ERICH1: variants seen among roughly 807,000 people sequenced by gnomAD.
ERICH1 encodes the protein glutamate rich 1.
A neutral mutation model predicts 39.6 loss-of-function variants in ERICH1; 56 were observed. The observed-to-expected ratio is 1.41, with a 90% CI of 1.14 to 1.77. The LOEUF (loss-of-function observed/expected upper bound fraction) is 1.77, where lower values mean the gene tolerates loss of function less well. Among genes scored for constraint, ERICH1 ranks in the 40% most tolerant of loss-of-function variants. The pLI, the probability that ERICH1 is intolerant of heterozygous loss-of-function variation, is 0.00. For synonymous variants in ERICH1, 313 were observed against 223.6 expected (o/e 1.40, Z -3.57); for missense variants, 826 against 575.4 (o/e 1.44, Z -4.45).
At chr8:725,184 G>C (rs1017379693) in intron 1 of ERICH1, 1 of 185,832 alleles carries the variant, frequency 5.4e-6, no homozygotes, top group Non-Finnish European at 1.1e-5. Context: ...TCCGGCTTCC[G>C]TGCCTGCTGT....
At chr8:689,253 AG>A (rs151306108) in intron 3 of ERICH1, among the ~76,000 whole-genome samples, 1,652 of 152,326 alleles carry the variant, frequency 0.011, 11 homozygotes, top group Non-Finnish European at 0.017. Flanking sequence ...CTGGGATTAC[AG>A]GTACATGCCA....
intron 3 of ERICH1, among the ~76,000 whole-genome samples, chr8:622,747 G>A (rs1797361788): frequency 6.6e-6 from 1 of 151,958 alleles, no homozygotes; most frequent in Non-Finnish European, 1.5e-5. Context: ...GAGCCCAGGA[G>A]TTTCAGACCA....
At chr8:615,246 CTCT>C (rs1426841142) in exon 4 of ERICH1, 1 of 697,132 alleles carries the variant, frequency 1.4e-6, no homozygotes, top group Non-Finnish European at 2.6e-6. Flanking sequence ...TCTCTCTTTC[CTCT>C]TCTTATTTTC....
chr8:719,452 T>TG (rs1816790632), intron 1 of ERICH1, among the ~76,000 whole-genome samples: 1 of 152,244 alleles, frequency 6.6e-6, no homozygotes, highest in African/African-American at 2.4e-5. Context: ...TGCCCACATC[T>TG]GGCTGAGATG....
chr8:617,057 C>T (rs1796966983), intron 3 of ERICH1, among the ~76,000 whole-genome samples: 1 of 151,606 alleles, frequency 6.6e-6, no homozygotes, highest in Admixed American at 6.6e-5. Context: ...ATTCCGGTTC[C>T]CACTTTGACT....
At chr8:642,312 C>T (rs1478258311) in intron 3 of ERICH1, among the ~76,000 whole-genome samples, 4 of 150,264 alleles carry the variant, frequency 2.7e-5, no homozygotes. Flanking sequence ...AAGAACATCC[C>T]TAAAAAGAAT....
intron 3 of ERICH1, among the ~76,000 whole-genome samples, chr8:682,642 C>T (rs1335701316): frequency 6.6e-6 from 1 of 152,208 alleles, no homozygotes; most frequent in Non-Finnish European, 1.5e-5. Flanking sequence ...CTGCCATCCC[C>T]AAAACACACC....
chr8:630,467 C>G (rs1365458814), intron 3 of ERICH1, among the ~76,000 whole-genome samples: 3 of 80,782 alleles, frequency 3.7e-5, no homozygotes, highest in African/African-American at 7.6e-5. Context: ...AGCACCCAGA[C>G]AGACAGAGCT....
intron 3 of ERICH1, among the ~76,000 whole-genome samples, chr8:636,717 T>C (rs957442967): frequency 1.3e-5 from 2 of 152,234 alleles, no homozygotes; most frequent in African/African-American, 4.8e-5. Flanking sequence ...CTGTGACCTC[T>C]GGGGAGGAAC....
intron 2 of ERICH1, among the ~76,000 whole-genome samples, chr8:707,211 T>TC (rs1324945892): frequency 7.2e-4 from 103 of 143,860 alleles, no homozygotes; most frequent in Non-Finnish European, 1.3e-3. Context: ...TTTGTTTCTT[T>TC]TTTTTTTTTT....
At chr8:630,454 G>A (rs1391526865) in intron 3 of ERICH1, among the ~76,000 whole-genome samples, 2 of 127,834 alleles carry the variant, frequency 1.6e-5, no homozygotes, top group Admixed American at 7.9e-5. Context: ...ACACCCTCCC[G>A]TGAGCACCCA....
chr8:615,872 C>A (rs1185558052), intron 3 of ERICH1: 1 of 152,344 alleles, frequency 6.6e-6, no homozygotes, highest in African/African-American at 2.4e-5. Flanking sequence ...CGCCAATATT[C>A]AGCTTTCCTC....
chr8:687,548 G>C (rs959028007), intron 3 of ERICH1, among the ~76,000 whole-genome samples: 8 of 152,210 alleles, frequency 5.3e-5, no homozygotes, highest in African/African-American at 1.9e-4. Context: ...GGGCGCAGGG[G>C]AGAGGCGGGA....
intron 4 of ERICH1, among the ~76,000 whole-genome samples, chr8:671,396 C>G (rs1803347947): frequency 1.4e-5 from 2 of 147,570 alleles, no homozygotes; most frequent in South Asian, 2.2e-4. Flanking sequence ...TCTGTGCTCA[C>G]TGGGCTCCAG....
At chr8:690,454 C>A (rs1050899083) in intron 3 of ERICH1, among the ~76,000 whole-genome samples, 1 of 152,260 alleles carries the variant, frequency 6.6e-6, no homozygotes, top group African/African-American at 2.4e-5. Context: ...GTACCCAGGA[C>A]AAGACAAAGG....
At chr8:716,480 C>CCCTCTGGGA (rs1816033861) in intron 1 of ERICH1, among the ~76,000 whole-genome samples, 1 of 152,250 alleles carries the variant, frequency 6.6e-6, no homozygotes, top group Non-Finnish European at 1.5e-5. Context: ...CCACCCCGCG[C>CCCTCTGGGA]CCTCTGGGAA....
At chr8:670,704 A>C (rs984094717) in intron 4 of ERICH1, among the ~76,000 whole-genome samples, 2 of 152,152 alleles carry the variant, frequency 1.3e-5, no homozygotes, top group African/African-American at 2.4e-5. Flanking sequence ...AATTGGGCAA[A>C]GGTTCTAAGG....
chr8:700,153 ACCCGCACACGCGCACAGG>A (rs1811587815), intron 2 of ERICH1, among the ~76,000 whole-genome samples: 1 of 111,156 alleles, frequency 9.0e-6, no homozygotes, highest in Non-Finnish European at 1.8e-5. Context: ...AGGCGCACAG[ACCCGCACACGCGCACAGG>A]CCCGCACAGG....
chr8:652,443 G>T (rs923204898), intron 3 of ERICH1, among the ~76,000 whole-genome samples: 1 of 152,242 alleles, frequency 6.6e-6, no homozygotes, highest in African/African-American at 2.4e-5. Flanking sequence ...GGGAAATCTA[G>T]ATAGGAACGG....
Sources: gnomAD v4.1 joint callset for allele counts (sites outside exome capture counted in the v4.1 genomes callset) on GRCh38, gnomAD v4.1.1 for gene constraint, MANE v1.5 for transcripts, NCBI Gene and HGNC (gene_info 2026-07-23, HGNC 2026-07-21) for gene names.